The following ATP2B1 variants were observed in gnomAD, a reference collection of about 807,000 sequenced individuals.
ATP2B1 encodes the protein ATPase plasma membrane Ca2+ transporting 1.
Under a neutral mutation model 124.2 loss-of-function variants are expected in ATP2B1, and 14 were observed. The observed-to-expected ratio is 0.11, with a 90% CI of 0.07 to 0.18. The LOEUF (loss-of-function observed/expected upper bound fraction) is 0.18. Ranked by LOEUF, ATP2B1 falls within the 10% of genes least tolerant of loss-of-function variation. The pLI is 1.00. For synonymous variants in ATP2B1, 449 were observed against 492.4 expected (o/e 0.91, Z 1.17); for missense variants, 763 against 1,466.1 (o/e 0.52, Z 7.83).
chr12:89,702,735 A>C (rs1393692407), intron 1 of ATP2B1, among the ~76,000 whole-genome samples: 1 of 152,140 alleles, frequency 6.6e-6, no homozygotes, highest in Admixed American at 6.5e-5. Context: ...CACTACCTTT[A>C]TTTGTTCCCT....
At position 89,626,603 on chromosome 12, in the gene ATP2B1, T is replaced by C. The variant is rs1372772385; in HGVS notation, c.980A>G (p.Asp327Gly). The C allele has an allele frequency of 6.3e-7, 1 of 1,598,142 alleles. No homozygotes were observed. The highest frequency in any genetic ancestry group is 8.5e-7 in the Non-Finnish European group (1 of 1,175,864). Residue 327 changes from aspartate (D) to glycine (G), a missense_variant, in exon 8 of 21, where the codon GAT becomes GGT. Transcript: ENST00000428670. Reference sequence around the variant, plus strand: ...TGGCTGCATTTCCATGGCTGCACCATCCTGGGCTTTTGCTACATTTAAGAG... The same window carrying C: ...TGGCTGCATTTCCATGGCTGCACCACCCTGGGCTTTTGCTACATTTAAGAG... Reference protein sequence around the residue: ...IENRNKAKAQDGAAMEMQPLK... With the variant: ...IENRNKAKAQGGAAMEMQPLK...
intron 15 of ATP2B1, among the ~76,000 whole-genome samples, chr12:89,606,751 AG>A (rs1210181454): frequency 6.6e-6 from 1 of 151,896 alleles, no homozygotes; most frequent in Admixed American, 6.6e-5. Context: ...TTGTATTTTT[AG>A]TAGAGACAGG....
intron 1 of ATP2B1, among the ~76,000 whole-genome samples, chr12:89,688,252 T>C (rs1890176062): frequency 6.6e-6 from 1 of 152,158 alleles, no homozygotes; most frequent in Non-Finnish European, 1.5e-5. Flanking sequence ...TGAGGTCTCA[T>C]CAATGTTACT....
At chr12:89,687,286 C>A (rs190560729) in intron 1 of ATP2B1, among the ~76,000 whole-genome samples, 1 of 152,232 alleles carries the variant, frequency 6.6e-6, no homozygotes, top group East Asian at 1.9e-4. Context: ...TGTTACACTG[C>A]CTACAATATT....
intron 20 of ATP2B1, among the ~76,000 whole-genome samples, chr12:89,592,690 A>T (rs1873813900): frequency 6.6e-6 from 1 of 152,086 alleles, no homozygotes; most frequent in Admixed American, 6.6e-5. Flanking sequence ...AGGTTTCTTC[A>T]ACTATAAAAT....
At position 89,611,352 on chromosome 12, in the gene ATP2B1, CT is replaced by C; in HGVS notation, c.2087del (p.Lys696SerfsTer39). On this transcript the variant is annotated frameshift_variant, in exon 13 of 21. Transcript: ENST00000428670. LOFTEE classifies it high-confidence loss of function. ...GCACAGTAATTCCAGCCCTCTGACA[CT>C]TTTTAATTGCATCTGGCACCTGGTT... ...VRPEVPDAIK[K>X]CQRAGITVRM... 1 of 1,529,450 alleles carries C rather than the reference CT, an allele frequency of 6.5e-7. No homozygotes were observed. Among genetic ancestry groups the C allele is most frequent in the Non-Finnish European group, 8.8e-7 (1 of 1,141,820 alleles). The allele number at this position is 1,529,450 out of a possible 1,614,324, so 94.7% of individuals were successfully genotyped here.
intron 2 of ATP2B1, among the ~76,000 whole-genome samples, chr12:89,649,148 C>A (rs893076175): frequency 6.6e-6 from 1 of 152,222 alleles, no homozygotes; most frequent in African/African-American, 2.4e-5. Context: ...CCCACAAAGT[C>A]CCCCCACTAG....
intron 2 of ATP2B1, among the ~76,000 whole-genome samples, chr12:89,645,861 G>T (rs1728032006): frequency 6.6e-6 from 1 of 152,110 alleles, no homozygotes; most frequent in South Asian, 2.1e-4. Flanking sequence ...CTGCATTTTA[G>T]AAAAATCACA....
intron 9 of ATP2B1, among the ~76,000 whole-genome samples, chr12:89,622,226 TCTTACATCAGTG>T (rs1790181791): frequency 6.6e-6 from 1 of 151,942 alleles, no homozygotes; most frequent in Non-Finnish European, 1.5e-5. Flanking sequence ...AACAAAAGAT[TCTTACATCAGTG>T]CCAAGGAAAA....
At chr12:89,704,510 A>G (rs1385860488) in intron 1 of ATP2B1, among the ~76,000 whole-genome samples, 3 of 152,158 alleles carry the variant, frequency 2.0e-5, no homozygotes, top group Admixed American at 2.0e-4. Context: ...TAATGAGAAG[A>G]GCAATGAGCA....
intron 1 of ATP2B1, among the ~76,000 whole-genome samples, chr12:89,671,433 T>C (rs1450040465): frequency 6.6e-6 from 1 of 152,206 alleles, no homozygotes; most frequent in Non-Finnish European, 1.5e-5. Context: ...GGGATTAAAA[T>C]GTTGACTACT....
At chr12:89,625,623 G>GA (rs971865803) in intron 8 of ATP2B1, among the ~76,000 whole-genome samples, 4 of 136,928 alleles carry the variant, frequency 2.9e-5, no homozygotes, top group African/African-American at 1.1e-4. Flanking sequence ...AAGAAAAAAA[G>GA]AAAAAAAAAG....
At chr12:89,687,059 G>T (rs183073214) in intron 1 of ATP2B1, among the ~76,000 whole-genome samples, 2 of 152,080 alleles carry the variant, frequency 1.3e-5, no homozygotes, top group East Asian at 3.9e-4. Context: ...TTTTCTTGTC[G>T]TTATTCCCTG....
chr12:89,709,168 C>G (rs73437382), upstream of ATP2B1: 21,784 of 151,158 alleles, frequency 0.14, 1,791 homozygotes, highest in South Asian at 0.31. Flanking sequence ...CCCGTCTGCA[C>G]CGGGTGGCCT....
At chr12:89,628,658 C>T (rs1592788335) in intron 6 of ATP2B1, among the ~76,000 whole-genome samples, 1 of 152,040 alleles carries the variant, frequency 6.6e-6, no homozygotes, top group Admixed American at 6.6e-5. Flanking sequence ...CTGGAGTAGG[C>T]ACTACAATAT....
Position 89,626,521 on chromosome 12 carries a change from C to T in ATP2B1, c.1062G>A (p.Leu354=), listed in dbSNP as rs775597893. The T allele has an allele frequency of 6.8e-6, 11 of 1,613,218 alleles. No homozygotes were observed. The South Asian group carries it at 1.2e-4, about 18-fold the overall frequency. ...GDEKDKKKAN[L]PKKEKSVLQG... ...GTAAAACAGATTTTTCCTTTTTTGG[C>T]AAATTTGCTTTCTTTTTATCTTTTT... Residue 354 remains leucine (L), a synonymous_variant, in exon 8 of 21, where the codon TTG becomes TTA. Transcript: ENST00000428670.
At chr12:89,642,040 C>T (rs1883612051) in intron 3 of ATP2B1, 118 bp downstream of exon 3, 1 of 988,548 alleles carries the variant, frequency 1.0e-6, no homozygotes, top group Non-Finnish European at 1.5e-6. Flanking sequence ...GTACTTAGAA[C>T]AGTGCCTAGC....
At chr12:89,637,765 T>C (rs922226418) in intron 3 of ATP2B1, among the ~76,000 whole-genome samples, 12 of 152,166 alleles carry the variant, frequency 7.9e-5, no homozygotes, top group African/African-American at 2.9e-4. Flanking sequence ...TAGTTATAAA[T>C]ATAATTAATA....
At chr12:89,611,150 T>G in intron 13 of ATP2B1, 43 bp downstream of exon 13, 1 of 1,505,164 alleles carries the variant, frequency 6.6e-7, no homozygotes, top group Non-Finnish European at 8.9e-7. Context: ...CCTAATATAT[T>G]AAACATCTGT....
Sources: gnomAD v4.1 joint callset for allele counts (sites outside exome capture counted in the v4.1 genomes callset) on GRCh38, gnomAD v4.1.1 for gene constraint, MANE v1.5 for transcripts, NCBI Gene and HGNC (gene_info 2026-07-23, HGNC 2026-07-21) for gene names.